ERBB4: variants seen among roughly 807,000 people sequenced by gnomAD.
ERBB4 encodes erb-b2 receptor tyrosine kinase 4, also known as receptor tyrosine-protein kinase erbB-4.
ERBB4 carries 42 observed loss-of-function variants against 158.0 expected under a neutral mutation model. That is an observed-to-expected ratio of 0.27 (90% CI 0.21 to 0.34). The LOEUF (loss-of-function observed/expected upper bound fraction) is 0.34. Ranked by LOEUF, ERBB4 falls within the 10% of genes least tolerant of loss-of-function variation. The pLI is 1.00. For missense variants in ERBB4, 1,333 were observed against 1,624.1 expected, an observed-to-expected ratio of 0.82 and a Z score of 3.08; for synonymous variants, 583 against 558.7, an observed-to-expected ratio of 1.04 and a Z score of -0.61.
intron 19 of ERBB4, among the ~76,000 whole-genome samples, chr2:211,604,821 C>T (rs1283234739): frequency 6.6e-6 from 1 of 152,086 alleles, no homozygotes; most frequent in Non-Finnish European, 1.5e-5. Flanking sequence ...AATAGAAATA[C>T]CTTAAAACCT....
At chr2:211,846,052 G>GTTTT (rs5838288) in intron 3 of ERBB4, among the ~76,000 whole-genome samples, 14,755 of 145,596 alleles carry the variant, frequency 0.1, 991 homozygotes, top group Middle Eastern at 0.16. Flanking sequence ...GTTAATTGTT[G>GTTTT]TTTTTTTTTT....
chr2:212,042,953 C>T (rs897204503), intron 2 of ERBB4, among the ~76,000 whole-genome samples: 1 of 152,048 alleles, frequency 6.6e-6, no homozygotes, highest in Non-Finnish European at 1.5e-5. Context: ...AGGCCTATGC[C>T]AATAAAATGA....
intron 4 of ERBB4, chr2:211,777,211 TCTC>T (rs764711992): frequency 1.1e-4 from 17 of 152,078 alleles, no homozygotes; most frequent in Non-Finnish European, 2.4e-4. Context: ...ATGATATACT[TCTC>T]CTCACATGAC....
At chr2:211,753,189 T>C (rs1184801243) in intron 4 of ERBB4, among the ~76,000 whole-genome samples, 1 of 152,158 alleles carries the variant, frequency 6.6e-6, no homozygotes, top group Admixed American at 6.5e-5. Flanking sequence ...ATGCACTTAC[T>C]ACATTTTTAT....
At chr2:212,267,424 G>A (rs1031908958) in intron 1 of ERBB4, among the ~76,000 whole-genome samples, 1 of 151,732 alleles carries the variant, frequency 6.6e-6, no homozygotes, top group Non-Finnish European at 1.5e-5. Flanking sequence ...AAAAACTTCT[G>A]TGACCTATAT....
At chr2:212,396,062 CT>C (rs2091017054) in intron 1 of ERBB4, among the ~76,000 whole-genome samples, 2 of 152,188 alleles carry the variant, frequency 1.3e-5, no homozygotes, top group East Asian at 3.9e-4. Context: ...GTTTTTAATA[CT>C]TTTAAGATAT....
chr2:212,273,920 A>G (rs2085432658), intron 1 of ERBB4, among the ~76,000 whole-genome samples: 1 of 151,652 alleles, frequency 6.6e-6, no homozygotes, highest in Non-Finnish European at 1.5e-5. Context: ...AGGGGTGCTG[A>G]CCCCTGTGCA....
At chr2:211,623,686 C>G (rs1259505397) in intron 18 of ERBB4, among the ~76,000 whole-genome samples, 3 of 152,094 alleles carry the variant, frequency 2.0e-5, no homozygotes. Flanking sequence ...AAGAAAAAAA[C>G]TATACTTGGC....
Position 211,773,880 on chromosome 2 carries a change from G to T in ERBB4, c.556+14145C>A, listed in dbSNP as rs553125442. On this transcript the variant is annotated intron_variant, in intron 4 of 27. Coordinates refer to ENST00000342788, the MANE Select transcript of ERBB4 (RefSeq NM_005235.3). ...TTGAACAAACGAATCTTCAATAGTG[G>T]CAACACAATAGGATGTCCTGATCCA... 2.6e-5 allele frequency among the ~76,000 whole-genome samples: 4 copies of T among 151,458 alleles called. No individual in the cohort carries two copies. In the South Asian group the frequency reaches 8.3e-4, roughly 31 times the overall value.
chr2:211,624,940 G>C (rs535510121), intron 17 of ERBB4, among the ~76,000 whole-genome samples: 19 of 151,930 alleles, frequency 1.3e-4, no homozygotes, highest in Non-Finnish European at 2.2e-4. Context: ...TCACAGGGGG[G>C]GCTGGGTGTG....
intron 20 of ERBB4, among the ~76,000 whole-genome samples, chr2:211,559,197 A>G (rs2067318402): frequency 6.6e-6 from 1 of 152,072 alleles, no homozygotes; most frequent in Non-Finnish European, 1.5e-5. Context: ...CCCCCCAAAT[A>G]TATCTTAATT....
chr2:211,622,853 C>G (rs1455106470), intron 18 of ERBB4, among the ~76,000 whole-genome samples: 1 of 145,006 alleles, frequency 6.9e-6, no homozygotes, highest in African/African-American at 2.6e-5. Context: ...ATCCCAGCTA[C>G]TGGGGAGGTT....
intron 1 of ERBB4, among the ~76,000 whole-genome samples, chr2:212,223,529 A>G (rs1021977736): frequency 6.6e-6 from 1 of 150,862 alleles, no homozygotes; most frequent in African/African-American, 2.4e-5. Flanking sequence ...TTCAAATTAT[A>G]TAATGGATAA....
At chr2:211,850,009 C>T (rs184477280) in intron 3 of ERBB4, among the ~76,000 whole-genome samples, 250 of 152,090 alleles carry the variant, frequency 1.6e-3, no homozygotes, top group South Asian at 9.7e-3. Flanking sequence ...GTTTTCAAGA[C>T]GCTGCCTGCA....
chr2:212,077,483 A>G (rs2078308463), intron 2 of ERBB4, among the ~76,000 whole-genome samples: 1 of 152,052 alleles, frequency 6.6e-6, no homozygotes, highest in South Asian at 2.1e-4. Context: ...CCCAGGTAAC[A>G]TGAAACAACA....
chr2:212,187,248 A>G (rs1379889946), intron 1 of ERBB4, among the ~76,000 whole-genome samples: 1 of 152,048 alleles, frequency 6.6e-6, no homozygotes, highest in African/African-American at 2.4e-5. Context: ...GTCATTTAAG[A>G]TATTGTGTCA....
intron 1 of ERBB4, among the ~76,000 whole-genome samples, chr2:212,140,409 A>G: frequency 7.1e-6 from 1 of 139,922 alleles, no homozygotes; most frequent in African/African-American, 2.9e-5. Flanking sequence ...ATCTATATAT[A>G]TTTATATATA....
At chr2:211,412,106 A>C (rs1484971319) in intron 25 of ERBB4, among the ~76,000 whole-genome samples, 1 of 151,970 alleles carries the variant, frequency 6.6e-6, no homozygotes, top group Non-Finnish European at 1.5e-5. Flanking sequence ...AAGAGAAAAA[A>C]AAAAAGTTTT....
At chr2:212,190,547 A>G (rs2125708798) in intron 1 of ERBB4, among the ~76,000 whole-genome samples, 1 of 150,168 alleles carries the variant, frequency 6.7e-6, no homozygotes, top group South Asian at 2.1e-4. Flanking sequence ...AAAAAAAAAA[A>G]AAAAAGAAGA....
Sources: allele counts gnomAD v4.1 joint callset (sites outside exome capture counted in the v4.1 genomes callset), GRCh38; gene constraint gnomAD v4.1.1; transcripts MANE v1.5; gene names NCBI Gene and HGNC (gene_info 2026-07-23, HGNC 2026-07-21).